Variants in LARP4B observed in about 807,000 individuals in gnomAD.
LARP4B encodes the protein la-related protein 4B.
In LARP4B, 12 loss-of-function variants were observed where a neutral mutation model predicts 89.8. The observed-to-expected ratio is 0.13, with a 90% CI of 0.09 to 0.22. The LOEUF (loss-of-function observed/expected upper bound fraction) is 0.22, where lower values mean the gene tolerates loss of function less well. Among genes scored for constraint, LARP4B ranks in the 10% least tolerant of loss-of-function variants. The pLI, the probability that LARP4B is intolerant of heterozygous loss-of-function variation, is 1.00. For missense variants in LARP4B, 757 were observed against 947.7 expected, an observed-to-expected ratio of 0.80 and a Z score of 2.64; for synonymous variants, 367 against 363.3, an observed-to-expected ratio of 1.01 and a Z score of -0.12.
intron 1 of LARP4B, among the ~76,000 whole-genome samples, chr10:916,802 T>G (rs1013762690): frequency 6.6e-6 from 1 of 152,150 alleles, no homozygotes; most frequent in African/African-American, 2.4e-5. Context: ...ACCTAAGTGA[T>G]CCTCCCACCT....
chr10:859,068 C>G (rs1176448730), intron 5 of LARP4B, among the ~76,000 whole-genome samples: 1 of 152,118 alleles, frequency 6.6e-6, no homozygotes, highest in Admixed American at 6.5e-5. Context: ...GGGCAGAGGT[C>G]AGGAGTTTGA....
At chr10:843,881 C>T (rs1355164454) in intron 6 of LARP4B, among the ~76,000 whole-genome samples, 1 of 152,174 alleles carries the variant, frequency 6.6e-6, no homozygotes, top group Non-Finnish European at 1.5e-5. Context: ...AAGAAGGAAA[C>T]AGTAACTTTA....
chr10:830,729 C>T, intron 9 of LARP4B, 138 bp downstream of exon 9: 1 of 533,780 alleles, frequency 1.9e-6, no homozygotes, highest in African/African-American at 2.0e-5. Context: ...TAAGTTTCTA[C>T]AACTTGATTT....
At chr10:943,976 G>A in the LARP4B span, among the ~76,000 whole-genome samples, 2 of 152,106 alleles carry the variant, frequency 1.3e-5, no homozygotes, top group African/African-American at 2.4e-5. Context: ...CAGAAAATAC[G>A]GAAGAACATG....
At chr10:846,548 TGAG>T (rs1396171167) in intron 5 of LARP4B, among the ~76,000 whole-genome samples, 2 of 152,046 alleles carry the variant, frequency 1.3e-5, no homozygotes, top group Non-Finnish European at 2.9e-5. Flanking sequence ...CCAGCACAGC[TGAG>T]AAGAGGGGTG....
upstream of LARP4B, among the ~76,000 whole-genome samples, chr10:931,962 C>T (rs921899460): frequency 6.9e-6 from 1 of 145,912 alleles, no homozygotes; most frequent in African/African-American, 2.6e-5. Flanking sequence ...CCGCGCACGC[C>T]GCACGTCCGC....
At chr10:913,496 G>T (rs1836731470) in intron 1 of LARP4B, among the ~76,000 whole-genome samples, 1 of 152,144 alleles carries the variant, frequency 6.6e-6, no homozygotes, top group Non-Finnish European at 1.5e-5. Flanking sequence ...TAGTTTGTTG[G>T]TTTAATGAAA....
At chr10:959,420 TC>T in the LARP4B span, among the ~76,000 whole-genome samples, 7 of 44,962 alleles carry the variant, frequency 1.6e-4, no homozygotes, top group African/African-American at 6.2e-4. Flanking sequence ...TCAATCCACC[TC>T]CCCGTCAATC....
At position 918,646 on chromosome 10, in the gene LARP4B, A is replaced by G. The variant is rs529602387; in HGVS notation, c.-40+12782T>C. On this transcript the variant is annotated intron_variant, in intron 1 of 17. Transcript: ENST00000316157. ...AGACCCTGTCTCAAAAAAAAAAAAA[A>G]AAAAAAAAAAGTTTCAGGCAAACTA... Among the ~76,000 whole-genome samples, 4 of 151,488 alleles carry G rather than the reference A, an allele frequency of 2.6e-5. No individual in the cohort carries two copies. The South Asian group carries it at 8.3e-4, about 32-fold the overall frequency.
chr10:947,601 C>A, the LARP4B span, among the ~76,000 whole-genome samples: 1 of 152,104 alleles, frequency 6.6e-6, no homozygotes. Context: ...CAAATCATGA[C>A]CTTAATGAAA....
In LARP4B at chr10:810,875, G is replaced by A. The variant is rs947971652; in HGVS notation, c.*2051C>T. 1 of 151,778 alleles carries A rather than the reference G, an allele frequency of 6.6e-6. No individual in the cohort carries two copies. Among genetic ancestry groups the A allele is most frequent in the Non-Finnish European group, 1.5e-5 (1 of 67,998 alleles). 9.4% of individuals were successfully genotyped at this position (151,778 alleles called of 1,614,324 possible). A position where few individuals can be genotyped will look rare whatever the true frequency, so the allele number is the denominator to read the frequency against. On this transcript the variant is annotated 3_prime_UTR_variant, in exon 18 of 18. Transcript: ENST00000316157. ...GCATTTGAAAAACACTAGCCCTGTG[G>A]CTATTTCTCTGTATTTGAATAATGG...
At chr10:908,860 C>T (rs979386739) in intron 1 of LARP4B, among the ~76,000 whole-genome samples, 6 of 151,748 alleles carry the variant, frequency 4.0e-5, no homozygotes, top group African/African-American at 1.5e-4. Flanking sequence ...GGCTGCAGCA[C>T]GGGGGGGGCC....
chr10:838,359 A>G (rs1273960630), intron 7 of LARP4B, among the ~76,000 whole-genome samples: 1 of 152,246 alleles, frequency 6.6e-6, no homozygotes, highest in African/African-American at 2.4e-5. Context: ...AATAGTTGCA[A>G]AAGACACATC....
chr10:930,302 C>A (rs1456811930), intron 1 of LARP4B, among the ~76,000 whole-genome samples: 1 of 152,156 alleles, frequency 6.6e-6, no homozygotes, highest in African/African-American at 2.4e-5. Flanking sequence ...TAGAAAAAGG[C>A]CTCACGCATA....
At chr10:850,664 C>A (rs1408108304) in intron 5 of LARP4B, among the ~76,000 whole-genome samples, 1 of 152,124 alleles carries the variant, frequency 6.6e-6, no homozygotes, top group East Asian at 1.9e-4. Context: ...CAGCAAAACA[C>A]ATATTCTTCT....
At chr10:938,779 G>T in the LARP4B span, among the ~76,000 whole-genome samples, 18 of 152,260 alleles carry the variant, frequency 1.2e-4, no homozygotes, top group African/African-American at 4.1e-4. Context: ...TCCGAGGGTA[G>T]GATATATAAG....
At chr10:961,654 A>C in the LARP4B span, among the ~76,000 whole-genome samples, 3 of 152,184 alleles carry the variant, frequency 2.0e-5, no homozygotes, top group Admixed American at 1.3e-4. Flanking sequence ...AGGTCCACTC[A>C]TGGCAGAAGG....
chr10:874,190 C>T (rs1455653523), intron 3 of LARP4B, among the ~76,000 whole-genome samples: 1 of 152,094 alleles, frequency 6.6e-6, no homozygotes, highest in Non-Finnish European at 1.5e-5. Flanking sequence ...GCCAAGATTG[C>T]GCCACTGCAC....
At chr10:909,293 CAAAAA>C (rs56787174) in intron 1 of LARP4B, among the ~76,000 whole-genome samples, 3 of 80,846 alleles carry the variant, frequency 3.7e-5, no homozygotes, top group Admixed American at 1.2e-4. Context: ...GACTCCGTCT[CAAAAA>C]AAAAAAAAAA....
Sources: allele counts gnomAD v4.1 joint callset (sites outside exome capture counted in the v4.1 genomes callset), GRCh38; gene constraint gnomAD v4.1.1; transcripts MANE v1.5; gene names NCBI Gene and HGNC (gene_info 2026-07-23, HGNC 2026-07-21).